Variants in TNC observed in about 807,000 individuals in gnomAD.
TNC encodes the protein tenascin.
In TNC, 109 loss-of-function variants were observed where a neutral mutation model predicts 202.4. That is an observed-to-expected ratio of 0.54 (90% CI 0.46 to 0.63). The LOEUF (loss-of-function observed/expected upper bound fraction) is 0.63. Among genes scored for constraint, TNC ranks in the 30% least tolerant of loss-of-function variants. TNC has a pLI of 0.00. For missense variants in TNC, 2,756 were observed against 2,833.3 expected, an observed-to-expected ratio of 0.97 and a Z score of 0.62; for synonymous variants, 1,007 against 1,089.7, an observed-to-expected ratio of 0.92 and a Z score of 1.50.
rs1442433064 is a variant in TNC at position 115,090,768 on chromosome 9, C to T, written c.251G>A (p.Ser84Asn). The T allele has an allele frequency of 1.2e-5, 20 of 1,614,120 alleles. No homozygotes were observed. The highest frequency in any genetic ancestry group is 1.7e-5 in the Non-Finnish European group (20 of 1,180,036). The change falls in exon 2 of 28, where the codon AGC (serine) becomes AAC (asparagine). Residue 84 changes from serine to asparagine, a missense_variant. By Grantham distance (46) the Ser-to-Asn change is conservative (BLOSUM62 1). Coordinates refer to ENST00000350763, the MANE Select transcript of TNC (RefSeq NM_002160.4). ...CACTGTGTGCTCCTGAAAGCTTTCG[C>T]TGGGCTCTGAAGGCGGTGCCAGGTC... ...EKDLAPPSEP[S>N]ESFQEHTVDG...
At chr9:115,076,667 G>A in intron 7 of TNC, 92 bp from the exon 8 acceptor site, 2 of 1,403,286 alleles carry the variant, frequency 1.4e-6, no homozygotes, top group South Asian at 1.3e-5. Flanking sequence ...AAACGTGCCT[G>A]GAACTGGAGA....
intron 15 of TNC, chr9:115,052,782 C>T: frequency 1.4e-6 from 1 of 702,600 alleles, no homozygotes; most frequent in South Asian, 1.5e-5. Context: ...GGATCCCCAG[C>T]CAAGGTGGTT....
Position 115,076,272 on chromosome 9 carries a change from T to C in TNC, c.2860+118A>G. The C allele has an allele frequency of 2.8e-6, 4 of 1,425,702 alleles. No homozygotes were observed. The South Asian group carries it at 3.7e-5, about 13-fold the overall frequency. 88.3% of individuals were successfully genotyped at this position (1,425,702 alleles called of 1,614,324 possible). A position where few individuals can be genotyped will look rare whatever the true frequency, so the allele number is the denominator to read the frequency against. ...CTCACTGCAATCCAATAAGCAGTAT[T>C]TCAGGAAATTGGACTTATTTCTGAG... On this transcript the variant is annotated intron_variant, in intron 8 of 27. Coordinates refer to ENST00000350763, the MANE Select transcript of TNC (RefSeq NM_002160.4).
At chr9:115,045,603 A>G (rs1294751606) in intron 17 of TNC, among the ~76,000 whole-genome samples, 1 of 146,248 alleles carries the variant, frequency 6.8e-6, no homozygotes, top group Non-Finnish European at 1.5e-5. Context: ...GCTGGTCTCA[A>G]ACTCCTGGAC....
At chr9:115,082,895 T>C in intron 4 of TNC, 88 bp from the exon 5 acceptor site, 1 of 870,280 alleles carries the variant, frequency 1.1e-6, no homozygotes, top group Non-Finnish European at 1.9e-6. Context: ...CCAGACTGGA[T>C]GTCTGCAACA....
intron 8 of TNC, 91 bp downstream of exon 8, chr9:115,076,299 G>T (rs1003502230): frequency 6.7e-7 from 1 of 1,486,162 alleles, no homozygotes; most frequent in African/African-American, 1.4e-5. Flanking sequence ...ATTTCTGAGG[G>T]TTGCAAATGG....
chr9:115,025,174 T>A (rs972917301), intron 26 of TNC, among the ~76,000 whole-genome samples: 2 of 152,198 alleles, frequency 1.3e-5, no homozygotes, highest in Non-Finnish European at 2.9e-5. Context: ...AGAGGCCACA[T>A]TCCTGCTGCT....
At position 115,063,995 on chromosome 9, in the gene TNC, A is replaced by G; in HGVS notation, c.3561T>C (p.Ala1187=). ...GWDALKLNWT[A]PEGAYEYFFI... ...AAAAGTACTCATAGGCCCCTTCTGG[A>G]GCAGTCCAGTTGAGTTTGAGGGCAT... The change falls in exon 12 of 28, where the codon GCT becomes GCC. Residue 1187 remains alanine, a synonymous_variant. Coordinates refer to ENST00000350763, the MANE Select transcript of TNC (RefSeq NM_002160.4). 1 of 1,613,104 alleles carries G rather than the reference A, an allele frequency of 6.2e-7. No homozygotes were observed. The highest frequency in any genetic ancestry group is 8.5e-7 in the Non-Finnish European group (1 of 1,179,510).
At chr9:115,077,564 A>G (rs1248891391) in intron 7 of TNC, among the ~76,000 whole-genome samples, 1 of 152,212 alleles carries the variant, frequency 6.6e-6, no homozygotes, top group African/African-American at 2.4e-5. Flanking sequence ...AAAAATTGAC[A>G]CTTTTGAACT....
At position 115,073,813 on chromosome 9, in the gene TNC, T is replaced by A; in HGVS notation, c.3004A>T (p.Thr1002Ser). ...QVSETAETSL[T>S]LLWKTPLAKF... ...GCCAACGGTGTCTTCCAGAGCAGGGTCAGGCTGGTCTCTGCAGTTTCAGAA... is the reference window on the plus strand; with the variant it reads ...GCCAACGGTGTCTTCCAGAGCAGGGACAGGCTGGTCTCTGCAGTTTCAGAA... The change falls in exon 10 of 28, where the codon ACC (threonine) becomes TCC (serine). Residue 1002 changes from threonine to serine, a missense_variant. Coordinates refer to ENST00000350763, the MANE Select transcript of TNC (RefSeq NM_002160.4). 6.2e-7 allele frequency: 1 copy of A among 1,613,694 alleles called. No homozygotes were observed. Among genetic ancestry groups the A allele is most frequent in the Non-Finnish European group, 8.5e-7 (1 of 1,180,000 alleles).
intron 1 of TNC, among the ~76,000 whole-genome samples, chr9:115,100,797 A>C (rs752501761): frequency 4.6e-5 from 7 of 152,226 alleles, no homozygotes; most frequent in Non-Finnish European, 8.8e-5. Flanking sequence ...GAATCTAGTA[A>C]TCATATCACA....
intron 10 of TNC, among the ~76,000 whole-genome samples, chr9:115,071,080 G>A (rs1053674195): frequency 6.6e-6 from 1 of 152,194 alleles, no homozygotes; most frequent in Non-Finnish European, 1.5e-5. Context: ...TACACAGTGA[G>A]TTCCTTGGAA....
rs750651702 is a variant in TNC, at chr9:115,059,835, C to A, written c.4201G>T (p.Ala1401Ser). ...QNLTLPGSLRAVDIPGLEAAT... is the reference protein window; with the variant it reads ...QNLTLPGSLRSVDIPGLEAAT... ...GCCTCGAGGCCCGGGATGTCCACAG[C>A]CCTGAGGCTGCCAGGCAACGTGAGG... The change falls in exon 14 of 28, where the codon GCT (alanine) becomes TCT (serine). Residue 1401 changes from alanine (A) to serine (S), a missense_variant. Around this residue, in one of 2 missense-constraint regions of TNC, gnomAD observed 2,559 missense variants for 2,546.0 expected, o/e 1.01. Coordinates refer to ENST00000350763, the MANE Select transcript of TNC (RefSeq NM_002160.4). The A allele has an allele frequency of 1.8e-5, 29 of 1,613,992 alleles. No individual in the cohort carries two copies. In the Admixed American group the frequency reaches 4.8e-4, roughly 27 times the overall value.
rs529507822 is a variant in TNC at position 115,038,178 on chromosome 9, TG to T, written c.5512+82del. 788 of 1,532,356 alleles carry T rather than the reference TG, an allele frequency of 5.1e-4. 12 individuals are homozygous for T. The South Asian group carries it at 9.5e-3, about 19-fold the overall frequency. The allele number at this position is 1,532,356 out of a possible 1,614,324, so 94.9% of individuals were successfully genotyped here. On this transcript the variant is annotated intron_variant, in intron 20 of 27. Coordinates refer to ENST00000350763, the MANE Select transcript of TNC (RefSeq NM_002160.4). The stretch of plus-strand genomic sequence containing the variant: ...CATTTTTATCATCCTGTACCAAATG[TG>T]GCAGGGAGAAGAGCGAATGGGAAGA...
chr9:115,022,418 AG>A (rs1829141823), intron 27 of TNC, among the ~76,000 whole-genome samples: 1 of 152,218 alleles, frequency 6.6e-6, no homozygotes, highest in East Asian at 1.9e-4. Flanking sequence ...AAAGCCAGAG[AG>A]GGAGAGTGAC....
chr9:115,064,480 A>G (rs1440587656), intron 11 of TNC, among the ~76,000 whole-genome samples, 167 bp downstream of exon 11: 1 of 152,170 alleles, frequency 6.6e-6, no homozygotes, highest in Non-Finnish European at 1.5e-5. Flanking sequence ...TGAAGTATTA[A>G]AAGTTGCCTT....
Position 115,035,332 on chromosome 9 carries a change from G to A in TNC, c.5659C>T (p.Leu1887Phe). ...GCAGTCAAGTCTCTTGGAGAATCGA[G>A]GTCTGGAGAAGACAGGATGATTAAT... ...STITAKFTTDLDSPRDLTATE... is the reference protein window; with the variant it reads ...STITAKFTTDFDSPRDLTATE... The change falls in exon 22 of 28, where the codon CTC becomes TTC. Residue 1887 changes from leucine (L) to phenylalanine (F), a missense_variant and splice_region_variant. Physicochemically the swap from Leu to Phe is conservative, Grantham distance 22. Around this residue, in one of 2 missense-constraint regions of TNC, gnomAD observed 2,559 missense variants for 2,546.0 expected, o/e 1.01. Coordinates refer to ENST00000350763, the MANE Select transcript of TNC (RefSeq NM_002160.4). The A allele has an allele frequency of 6.2e-7, 1 of 1,610,190 alleles. No individual in the cohort carries two copies. Among genetic ancestry groups the A allele is most frequent in the East Asian group, 2.2e-5 (1 of 44,612 alleles).
At chr9:115,057,847 C>A (rs1486867491) in intron 14 of TNC, among the ~76,000 whole-genome samples, 4 of 152,218 alleles carry the variant, frequency 2.6e-5, no homozygotes, top group Non-Finnish European at 5.9e-5. Flanking sequence ...TACTTGGATG[C>A]CTTCCACAGA....
At chr9:115,058,382 T>A (rs1588085827) in intron 14 of TNC, among the ~76,000 whole-genome samples, 1 of 152,332 alleles carries the variant, frequency 6.6e-6, no homozygotes, top group East Asian at 1.9e-4. Flanking sequence ...AATTCATCAG[T>A]GGCAAGAATG....
Sources: gnomAD v4.1 joint callset for allele counts (sites outside exome capture counted in the v4.1 genomes callset) on GRCh38, gnomAD v4.1.1 for gene constraint, gnomAD v4.1.1 regional missense constraint, MANE v1.5 for transcripts, NCBI Gene and HGNC (gene_info 2026-07-23, HGNC 2026-07-21) for gene names.